Variants in STK25 observed in about 807,000 individuals in gnomAD.
STK25 encodes serine/threonine-protein kinase 25.
STK25 carries 29 observed loss-of-function variants against 53.8 expected under a neutral mutation model. The ratio of observed to expected loss-of-function variants is 0.54; its 90% confidence interval spans 0.40 to 0.74. STK25 has a LOEUF of 0.74. Ranked by LOEUF, STK25 falls within the 30% of genes least tolerant of loss-of-function variation. STK25 has a pLI of 0.00. For missense variants in STK25, 420 were observed against 568.0 expected (o/e 0.74, Z 2.65); for synonymous variants, 247 against 238.3 (o/e 1.04, Z -0.33).
Position 241,496,313 on chromosome 2 carries a change from C to G in STK25, c.1241+85G>C. ...CCATGTAGTGCCAAATGCAGCCACA[C>G]CCACGAGTGAGCACTGGACCTCACC... On this transcript the variant is annotated intron_variant, in intron 11 of 11. Transcript: ENST00000316586. The surrounding 1 kb of genome is among the most constrained non-coding windows in gnomAD (Gnocchi z 5.8). The G allele has an allele frequency of 3.3e-6, 5 of 1,513,814 alleles. No homozygotes were observed. Among genetic ancestry groups the G allele is most frequent in the Non-Finnish European group, 4.5e-6 (5 of 1,113,552 alleles). 93.8% of individuals were successfully genotyped at this position (1,513,814 alleles called of 1,614,324 possible). A position where few individuals can be genotyped will look rare whatever the true frequency, so the allele number is the denominator to read the frequency against.
chr2:241,506,956 C>T (rs2065866118), intron 2 of STK25, among the ~76,000 whole-genome samples: 1 of 152,182 alleles, frequency 6.6e-6, no homozygotes, highest in African/African-American at 2.4e-5. Context: ...AACAGCTGCA[C>T]ATGGTGTTCC....
chr2:241,498,754 T>C lies in STK25; in HGVS notation c.802A>G (p.Lys268Glu). 6.2e-7 allele frequency: 1 copy of C among 1,614,122 alleles called. No homozygotes were observed. The change falls in exon 8 of 12, where the codon AAG (lysine) becomes GAG (glutamate). Residue 268 changes from lysine to glutamate, a missense_variant. Transcript: ENST00000316586. ...TTCTTGGTGTAGCGTGTGATGAACT[T>C]GTGCTTCAGGAGCTCCTTGGCCGTG... The part of the protein sequence containing the change: ...RPTAKELLKH[K>E]FITRYTKKTS...
chr2:241,502,608 G>A (rs545685592), intron 2 of STK25, among the ~76,000 whole-genome samples: 331 of 152,132 alleles, frequency 2.2e-3, no homozygotes, highest in Middle Eastern at 6.8e-3. Flanking sequence ...GCGAGGTTGC[G>A]TATGCCTGTG....
chr2:241,492,897 T>TA lies in STK25; in HGVS notation c.*2764_*2765insT. 2 of 1,301,954 alleles carry TA rather than the reference T, an allele frequency of 1.5e-6. No homozygotes were observed. The allele number at this position is 1,301,954 out of a possible 1,614,324, so 80.7% of individuals were successfully genotyped here. ...TCCCACAAGGGGTCCTGGGTGCTGG[T>TA]TAATGCACCTGCATTTTTCCTTTAT... On this transcript the variant is annotated 3_prime_UTR_variant, in exon 12 of 12. Transcript: ENST00000316586.
At chr2:241,503,967 A>C (rs2065666619) in intron 2 of STK25, 8 of 467,772 alleles carry the variant, frequency 1.7e-5, no homozygotes, top group South Asian at 1.2e-4. Flanking sequence ...CTTCCGTGTG[A>C]AACTGCCAAT....
upstream of STK25, chr2:241,508,589 A>C: frequency 1.0e-6 from 1 of 988,916 alleles, no homozygotes; most frequent in African/African-American, 1.7e-5. Flanking sequence ...GAAAGCCCGG[A>C]GGCGACGGCG....
In STK25 at chr2:241,501,340, C is replaced by T; in HGVS notation, c.261+138G>A. ...TGGACGAGGGCTCACACCCTGCCTG[C>T]CCAGGGCAGTTTCCCGGAGGGCATG... On this transcript the variant is annotated intron_variant, in intron 3 of 11. Coordinates refer to ENST00000316586, the MANE Select transcript of STK25 (RefSeq NM_001271977.2). The surrounding 1 kb of genome is among the most constrained non-coding windows in gnomAD (Gnocchi z 5.3). 1 of 854,300 alleles carries T rather than the reference C, an allele frequency of 1.2e-6. No individual in the cohort carries two copies. Among genetic ancestry groups the T allele is most frequent in the Non-Finnish European group, 1.9e-6 (1 of 525,604 alleles). 52.9% of individuals were successfully genotyped at this position (854,300 alleles called of 1,614,324 possible). A position where few individuals can be genotyped will look rare whatever the true frequency, so the allele number is the denominator to read the frequency against.
At chr2:241,506,364 C>T (rs967400289) in intron 2 of STK25, among the ~76,000 whole-genome samples, 1 of 152,252 alleles carries the variant, frequency 6.6e-6, no homozygotes, top group African/African-American at 2.4e-5. Context: ...GCCCGCACTC[C>T]CTTCCCTGTG....
chr2:241,495,714 G>A lies in STK25; in HGVS notation c.1242-13C>T. 6.2e-7 allele frequency: 1 copy of A among 1,613,980 alleles called. No homozygotes were observed. The highest frequency in any genetic ancestry group is 1.1e-5 in the South Asian group (1 of 91,086). Reference sequence around the variant, plus strand: ...GTTGTGTGAAAACCTGCAGAGAGAAGAGCCCACTGCTGCGTGCGTGCACCT... The same window carrying A: ...GTTGTGTGAAAACCTGCAGAGAGAAAAGCCCACTGCTGCGTGCGTGCACCT... On this transcript the variant is annotated splice_polypyrimidine_tract_variant and intron_variant, in intron 11 of 11. Transcript: ENST00000316586.
At position 241,493,923 on chromosome 2, in the gene STK25, T is replaced by C; in HGVS notation, c.*1739A>G. On this transcript the variant is annotated 3_prime_UTR_variant, in exon 12 of 12. Transcript: ENST00000316586. Reference sequence around the variant, plus strand: ...CAGGTTTTTAACCCTTCTTTTGTCCTGCTTGTCCCATATCCTGGGTTGTTC... The same window carrying C: ...CAGGTTTTTAACCCTTCTTTTGTCCCGCTTGTCCCATATCCTGGGTTGTTC... 1.2e-6 allele frequency: 1 copy of C among 869,322 alleles called. No homozygotes were observed. The highest frequency in any genetic ancestry group is 1.7e-6 in the Non-Finnish European group (1 of 597,252). 53.9% of individuals were successfully genotyped at this position (869,322 alleles called of 1,614,324 possible). A position where few individuals can be genotyped will look rare whatever the true frequency, so the allele number is the denominator to read the frequency against.
intron 5 of STK25, chr2:241,499,951 A>G (rs1240224264): frequency 1.5e-6 from 1 of 648,364 alleles, no homozygotes; most frequent in Non-Finnish European, 2.9e-6. Flanking sequence ...CCTTTCCTAC[A>G]CTCAGTCCAC....
chr2:241,507,770 A>AG (rs2065930346), intron 2 of STK25, among the ~76,000 whole-genome samples: 1 of 152,226 alleles, frequency 6.6e-6, no homozygotes, highest in Non-Finnish European at 1.5e-5. Flanking sequence ...CGGAGCCACC[A>AG]GGGGCTCGGT....
Position 241,494,249 on chromosome 2 carries a change from A to C in STK25, c.*1413T>G. ...GTCTCACTGGATCCCCACTGGCACCAGCAGTGTGGGTGGGCCTCATGTAAC... is the reference window on the plus strand; with the variant it reads ...GTCTCACTGGATCCCCACTGGCACCCGCAGTGTGGGTGGGCCTCATGTAAC... On this transcript the variant is annotated 3_prime_UTR_variant, in exon 12 of 12. Coordinates refer to ENST00000316586, the MANE Select transcript of STK25 (RefSeq NM_001271977.2). This position sits in a 1 kb window ranked among gnomAD's most constrained non-coding sequence, Gnocchi z 4.9. 1.9e-6 allele frequency: 1 copy of C among 515,444 alleles called. No individual in the cohort carries two copies. Among genetic ancestry groups the C allele is most frequent in the Non-Finnish European group, 3.3e-6 (1 of 304,516 alleles). 31.9% of individuals were successfully genotyped at this position (515,444 alleles called of 1,614,324 possible).
chr2:241,497,116 C>T, intron 10 of STK25: 1 of 159,070 alleles, frequency 6.3e-6, no homozygotes. Flanking sequence ...CCTGCCTTCA[C>T]CACCTCTCAC....
At position 241,501,458 on chromosome 2, in the gene STK25, C is replaced by A; in HGVS notation, c.261+20G>T. ...CCGGGCACAGCACCAGCAGGGTCCC[C>A]GCCTCCCCACAACAGGCACCTTTAG... On this transcript the variant is annotated intron_variant, in intron 3 of 11. Coordinates refer to ENST00000316586, the MANE Select transcript of STK25 (RefSeq NM_001271977.2). The surrounding 1 kb of genome is among the most constrained non-coding windows in gnomAD (Gnocchi z 5.3). The A allele has an allele frequency of 1.2e-6, 2 of 1,609,862 alleles. No individual in the cohort carries two copies. Among genetic ancestry groups the A allele is most frequent in the East Asian group, 2.2e-5 (1 of 44,748 alleles).
Position 241,493,332 on chromosome 2 carries a change from A to G in STK25, c.*2330T>C, listed in dbSNP as rs368809020. The G allele has an allele frequency of 1.2e-6, 2 of 1,613,920 alleles. No individual in the cohort carries two copies. The highest frequency in any genetic ancestry group is 1.7e-6 in the Non-Finnish European group (2 of 1,180,026). On this transcript the variant is annotated 3_prime_UTR_variant, in exon 12 of 12. Transcript: ENST00000316586. ...GGCCAGCCTCCCGCTGCTGGGCTAC[A>G]GCGTGAGCATCCCCAGGGAGGCCGA...
At chr2:241,507,038 C>T (rs908260840) in intron 2 of STK25, among the ~76,000 whole-genome samples, 2 of 152,192 alleles carry the variant, frequency 1.3e-5, no homozygotes, top group African/African-American at 4.8e-5. Context: ...CGAACAGACG[C>T]CCTTCCTGTT....
In STK25 at chr2:241,507,990, C is replaced by T; in HGVS notation, c.30+16G>A. On this transcript the variant is annotated intron_variant, in intron 2 of 11. Transcript: ENST00000316586. Reference sequence around the variant, plus strand: ...GGTGAGAGGCCGCTAGTCTTCCTGACCTGCACCCTTCTCACCTGGTTGGCA... The same window carrying T: ...GGTGAGAGGCCGCTAGTCTTCCTGATCTGCACCCTTCTCACCTGGTTGGCA... The T allele has an allele frequency of 6.3e-7, 1 of 1,596,770 alleles. No individual in the cohort carries two copies. Among genetic ancestry groups the T allele is most frequent in the Non-Finnish European group, 8.5e-7 (1 of 1,172,510 alleles).
rs1688678753 is a variant in STK25 at position 241,508,214 on chromosome 2, G to GC, written c.-100-80_-100-79insG. On this transcript the variant is annotated intron_variant, in intron 1 of 11. Coordinates refer to ENST00000316586, the MANE Select transcript of STK25 (RefSeq NM_001271977.2). Reference sequence around the variant, plus strand: ...CTCCGGGGCGGCGGGCTCCATGGGTGGGGGGGGGCCCAGGAGACCCCCCAG... The same window carrying GC: ...CTCCGGGGCGGCGGGCTCCATGGGTGCGGGGGGGGCCCAGGAGACCCCCCAG... The GC allele has an allele frequency of 6.3e-6, 8 of 1,276,948 alleles. No individual in the cohort carries two copies. In the South Asian group the frequency reaches 1.2e-4, roughly 19 times the overall value. 79.1% of individuals were successfully genotyped at this position (1,276,948 alleles called of 1,614,324 possible).
Sources: gnomAD v4.1 joint callset for allele counts (sites outside exome capture counted in the v4.1 genomes callset) on GRCh38, gnomAD v4.1.1 for gene constraint, Gnocchi (gnomAD v3.1) non-coding constraint, MANE v1.5 for transcripts, NCBI Gene and HGNC (gene_info 2026-07-23, HGNC 2026-07-21) for gene names.